Variants in NBEA observed in about 807,000 individuals in gnomAD.
NBEA encodes the protein neurobeachin, also known as lysosomal-trafficking regulator 2.
Under a neutral mutation model 343.4 loss-of-function variants are expected in NBEA, and 44 were observed. That is an observed-to-expected ratio of 0.13 (90% CI 0.10 to 0.16). The LOEUF (loss-of-function observed/expected upper bound fraction) is 0.16. Ranked by LOEUF, NBEA falls within the 10% of genes least tolerant of loss-of-function variation. The pLI, the probability that NBEA is intolerant of heterozygous loss-of-function variation, is 1.00. For synonymous variants in NBEA, 1,175 were observed against 1,238.7 expected (o/e 0.95, Z 1.08); for missense variants, 2,555 against 3,631.3 (o/e 0.70, Z 7.62).
intron 38 of NBEA, among the ~76,000 whole-genome samples, chr13:35,400,948 C>T (rs2042976015): frequency 6.6e-6 from 1 of 151,834 alleles, no homozygotes. Flanking sequence ...GTCCACATGG[C>T]ACATCCCTCT....
At chr13:35,481,462 A>G (rs1486125199) in intron 41 of NBEA, among the ~76,000 whole-genome samples, 1 of 151,844 alleles carries the variant, frequency 6.6e-6, no homozygotes, top group Non-Finnish European at 1.5e-5. Context: ...AAACTGAAAA[A>G]AAAATGGGGA....
At chr13:35,133,563 CATAGA>C (rs906569515) in intron 17 of NBEA, among the ~76,000 whole-genome samples, 7 of 151,914 alleles carry the variant, frequency 4.6e-5, no homozygotes, top group African/African-American at 1.7e-4. Context: ...TTGGAAACAA[CATAGA>C]ATAGGAGAAC....
intron 28 of NBEA, among the ~76,000 whole-genome samples, chr13:35,181,546 A>G (rs1057438110): frequency 2.7e-5 from 4 of 150,416 alleles, no homozygotes; most frequent in Non-Finnish European, 5.9e-5. Flanking sequence ...TTCCTTGTAG[A>G]TTGTGGCTAT....
At chr13:35,432,969 A>G (rs1271946672) in intron 39 of NBEA, among the ~76,000 whole-genome samples, 1 of 152,054 alleles carries the variant, frequency 6.6e-6, no homozygotes, top group Non-Finnish European at 1.5e-5. Flanking sequence ...TCAGCTTAAT[A>G]AAATAGAATT....
At chr13:35,017,587 C>T (rs143792192) in intron 1 of NBEA, among the ~76,000 whole-genome samples, 78 of 152,182 alleles carry the variant, frequency 5.1e-4, no homozygotes, top group African/African-American at 1.7e-3. Flanking sequence ...TTTCCATGTG[C>T]TTACAGAACA....
chr13:35,653,689 C>T (rs897933236), intron 53 of NBEA, among the ~76,000 whole-genome samples: 5 of 152,164 alleles, frequency 3.3e-5, no homozygotes, highest in African/African-American at 1.2e-4. Flanking sequence ...AGATAAGATA[C>T]AGACGTTTCA....
intron 38 of NBEA, among the ~76,000 whole-genome samples, chr13:35,390,791 CTTAAA>C (rs1268225115): frequency 1.3e-5 from 2 of 152,064 alleles, no homozygotes; most frequent in Non-Finnish European, 2.9e-5. Flanking sequence ...CTTTTTAAAT[CTTAAA>C]TTTTATATTT....
intron 36 of NBEA, among the ~76,000 whole-genome samples, chr13:35,320,464 C>T (rs577325424): frequency 5.8e-4 from 89 of 152,282 alleles, no homozygotes; most frequent in African/African-American, 1.8e-3. Context: ...CTGAGAGATC[C>T]GCTGTTAGTC....
intron 36 of NBEA, among the ~76,000 whole-genome samples, chr13:35,348,882 G>T (rs193158364): frequency 6.6e-6 from 1 of 152,070 alleles, no homozygotes; most frequent in Admixed American, 6.6e-5. Flanking sequence ...TAACTGAATT[G>T]CTGATTAACA....
intron 20 of NBEA, 89 bp downstream of exon 20, chr13:35,156,295 A>G (rs1192610049): frequency 5.5e-6 from 7 of 1,283,890 alleles, no homozygotes; most frequent in Non-Finnish European, 7.3e-6. Context: ...AATCTTTTCC[A>G]TATTGCTAAA....
At chr13:35,472,356 G>A in intron 40 of NBEA, 44 bp from the exon 41 acceptor site, 2 of 1,594,602 alleles carry the variant, frequency 1.3e-6, no homozygotes, top group East Asian at 2.2e-5. Context: ...GAGCAGGAAG[G>A]GCCACAGGGG....
intron 17 of NBEA, among the ~76,000 whole-genome samples, chr13:35,140,133 T>C (rs1487073148): frequency 6.6e-6 from 1 of 151,954 alleles, no homozygotes; most frequent in East Asian, 1.9e-4. Context: ...TCTCCCCTTC[T>C]TGAGTAACTG....
chr13:35,148,251 G>C (rs926444005), intron 18 of NBEA, among the ~76,000 whole-genome samples: 4 of 152,208 alleles, frequency 2.6e-5, no homozygotes, highest in African/African-American at 4.8e-5. Context: ...TCAAGAGAAA[G>C]AGTTGCATGC....
At chr13:34,969,682 T>C (rs961621809) in intron 1 of NBEA, among the ~76,000 whole-genome samples, 4 of 152,136 alleles carry the variant, frequency 2.6e-5, no homozygotes, top group Non-Finnish European at 5.9e-5. Context: ...CTGAGGATAA[T>C]GGCCTCCAGC....
At chr13:35,663,155 G>A (rs1465098538) in intron 55 of NBEA, among the ~76,000 whole-genome samples, 2 of 152,120 alleles carry the variant, frequency 1.3e-5, no homozygotes, top group Non-Finnish European at 2.9e-5. Context: ...ATTTTGAAAT[G>A]TACAATAAAT....
chr13:34,973,244 T>C (rs1444702627), intron 1 of NBEA, among the ~76,000 whole-genome samples: 3 of 152,016 alleles, frequency 2.0e-5, no homozygotes, highest in African/African-American at 7.3e-5. Flanking sequence ...CTGGAGATCC[T>C]GACTGGCAGG....
rs1593562490 is a variant in NBEA at position 35,162,089 on chromosome 13, G to A, written c.4079+122G>A. ...TTAAAGGAATTTCCACATTTTTCTT[G>A]TATCTTGTTTAAATTAATACCATGT... is the stretch of plus-strand genomic sequence containing the variant. On this transcript the variant is annotated intron_variant, in intron 23 of 58. Coordinates refer to ENST00000379939, the MANE Select transcript of NBEA (RefSeq NM_001385012.1). 1.0e-5 allele frequency: 8 copies of A among 762,644 alleles called. No individual in the cohort carries two copies. In the East Asian group the frequency reaches 2.2e-4, roughly 21 times the overall value. 47.2% of individuals were successfully genotyped at this position (762,644 alleles called of 1,614,324 possible). A position where few individuals can be genotyped will look rare whatever the true frequency, so the allele number is the denominator to read the frequency against.
chr13:35,086,628 G>A (rs546646034), intron 10 of NBEA, among the ~76,000 whole-genome samples: 7 of 152,000 alleles, frequency 4.6e-5, no homozygotes, highest in East Asian at 3.9e-4. Context: ...ATGTGAGTGC[G>A]TGTATCACTT....
At chr13:35,337,982 A>T (rs2152854432) in intron 36 of NBEA, among the ~76,000 whole-genome samples, 1 of 152,192 alleles carries the variant, frequency 6.6e-6, no homozygotes, top group East Asian at 1.9e-4. Flanking sequence ...AAGGAAATTT[A>T]TGACTATAAG....
Sources: gnomAD v4.1 joint callset for allele counts (sites outside exome capture counted in the v4.1 genomes callset) on GRCh38, gnomAD v4.1.1 for gene constraint, MANE v1.5 for transcripts, NCBI Gene and HGNC (gene_info 2026-07-23, HGNC 2026-07-21) for gene names.